Variants in FBXO36 observed in about 807,000 individuals in gnomAD.
The protein encoded by FBXO36 is F-box only protein 36.
FBXO36 carries 18 observed loss-of-function variants against 17.0 expected under a neutral mutation model. That is an observed-to-expected ratio of 1.06 (90% CI 0.73 to 1.57). The LOEUF (loss-of-function observed/expected upper bound fraction) is 1.57, where lower values mean the gene tolerates loss of function less well. FBXO36 is among the 40% of genes most tolerant of loss of function. The probability of loss-of-function intolerance (pLI) is 0.00; values close to 1 mark genes in which losing one functional copy is unlikely to be tolerated. For missense variants in FBXO36, 229 were observed against 221.9 expected (o/e 1.03, Z -0.20); for synonymous variants, 83 against 85.3 (o/e 0.97, Z 0.15).
chr2:229,956,704 T>G (rs1049341464), intron 1 of FBXO36, among the ~76,000 whole-genome samples: 7 of 152,050 alleles, frequency 4.6e-5, no homozygotes, highest in Admixed American at 3.9e-4. Context: ...TTCTGAAGGA[T>G]CTCAAGGCAG....
chr2:229,924,707 G>A (rs1434295894), intron 1 of FBXO36, among the ~76,000 whole-genome samples: 2 of 151,164 alleles, frequency 1.3e-5, no homozygotes, highest in African/African-American at 4.9e-5. Flanking sequence ...TAATTCTGTT[G>A]TTGGTGTTCT....
At chr2:229,990,811 C>A (rs1362633987) in intron 2 of FBXO36, among the ~76,000 whole-genome samples, 1 of 152,086 alleles carries the variant, frequency 6.6e-6, no homozygotes, top group African/African-American at 2.4e-5. Flanking sequence ...GTATATAATT[C>A]TTTGAGAGTT....
chr2:230,006,870 G>A (rs867743013), intron 3 of FBXO36, among the ~76,000 whole-genome samples: 1 of 152,306 alleles, frequency 6.6e-6, no homozygotes. Flanking sequence ...ACTGTGTAGG[G>A]ACTCTGTGAA....
At position 230,010,729 on chromosome 2, in the gene FBXO36, G is replaced by A. The variant is rs1329496171; in HGVS notation, c.412G>A (p.Val138Ile). 1.2e-6 allele frequency: 2 copies of A among 1,613,592 alleles called. No individual in the cohort carries two copies. Among genetic ancestry groups the A allele is most frequent in the South Asian group, 1.1e-5 (1 of 91,048 alleles). ...GTCTGATAAACTGTGGGAACAGATA[G>A]TCCAGTCGACCTGCGACACCATCAC... Reference protein sequence around the residue: ...CMSDKLWEQIVQSTCDTITPD... With the variant: ...CMSDKLWEQIIQSTCDTITPD... The change falls in exon 4 of 4, where the codon GTC becomes ATC. Residue 138 changes from valine (V) to isoleucine (I), a missense_variant. Physicochemically the swap from Val to Ile is conservative, Grantham distance 29. Coordinates refer to ENST00000283946, the MANE Select transcript of FBXO36 (RefSeq NM_174899.5).
In FBXO36 at chr2:229,974,408, G is replaced by T. The variant is rs374813795; in HGVS notation, c.97-1833G>T. Among the ~76,000 whole-genome samples the T allele has an allele frequency of 1.3e-4, 20 of 152,292 alleles. No individual in the cohort carries two copies. In the East Asian group the frequency reaches 2.7e-3, roughly 21 times the overall value. On this transcript the variant is annotated intron_variant, in intron 1 of 3. Transcript: ENST00000283946. ...AACTTGAATGTGTGCCATGGAGAGCGTCCCTCCAGTGGCCATTGTGGCAAG... is the reference window on the plus strand; with the variant it reads ...AACTTGAATGTGTGCCATGGAGAGCTTCCCTCCAGTGGCCATTGTGGCAAG...
rs140140630 is a variant in FBXO36 at position 229,996,898 on chromosome 2, G to A, written c.353G>A (p.Cys118Tyr). 2.5e-6 allele frequency: 4 copies of A among 1,613,734 alleles called. No individual in the cohort carries two copies. The highest frequency in any genetic ancestry group is 2.2e-5 in the East Asian group (1 of 44,850). The change falls in exon 3 of 4, where the codon TGT becomes TAT. Residue 118 changes from cysteine (C) to tyrosine (Y), a missense_variant. Cys to Tyr is a radical substitution (Grantham distance 194). Transcript: ENST00000283946. ...GATCTTGAAGATATTGCCAGGCTTT[G>A]TCAAACATCACACAGATTTGCAAAG... ...YLDLEDIARL[C>Y]QTSHRFAKLC... is the part of the protein sequence containing the mutation.
chr2:229,968,805 G>T (rs930213025), intron 1 of FBXO36, among the ~76,000 whole-genome samples: 21 of 151,914 alleles, frequency 1.4e-4, no homozygotes, highest in Non-Finnish European at 3.1e-4. Context: ...ATGGAGTCTT[G>T]TTCTGTTGCC....
intron 1 of FBXO36, among the ~76,000 whole-genome samples, chr2:229,928,547 C>T (rs773051655): frequency 1.2e-4 from 18 of 152,116 alleles, no homozygotes; most frequent in Admixed American, 5.9e-4. Flanking sequence ...TGCCTGTATT[C>T]CCCCTATTGG....
At chr2:230,006,607 C>T (rs893601102) in intron 3 of FBXO36, among the ~76,000 whole-genome samples, 2 of 152,130 alleles carry the variant, frequency 1.3e-5, no homozygotes, top group South Asian at 2.1e-4. Context: ...AAAAGATGCA[C>T]GTGTCCCTGC....
chr2:230,002,540 T>C (rs2077365343), intron 3 of FBXO36, among the ~76,000 whole-genome samples: 1 of 152,096 alleles, frequency 6.6e-6, no homozygotes. Context: ...TGCGCCACCA[T>C]ACCCAGCTAA....
At position 230,011,461 on chromosome 2, in the gene FBXO36, A is replaced by T. The variant is rs907934006; in HGVS notation, c.*577A>T. The stretch of plus-strand genomic sequence containing the variant: ...CCAGGATGCCAGGGTCCATCCCCGC[A>T]TGTAGACAGCTTCCGACCTGGTGCT... On this transcript the variant is annotated 3_prime_UTR_variant, in exon 4 of 4. Transcript: ENST00000283946. 1 of 152,376 alleles carries T rather than the reference A, an allele frequency of 6.6e-6. No individual in the cohort carries two copies. Among genetic ancestry groups the T allele is most frequent in the Admixed American group, 6.5e-5 (1 of 15,280 alleles). The allele number at this position is 152,376 out of a possible 1,614,324, so 9.4% of individuals were successfully genotyped here. A position where few individuals can be genotyped will look rare whatever the true frequency, so the allele number is the denominator to read the frequency against.
chr2:229,938,475 A>G (rs1022938515), intron 1 of FBXO36, among the ~76,000 whole-genome samples: 21 of 128,824 alleles, frequency 1.6e-4, no homozygotes, highest in Non-Finnish European at 3.2e-4. Context: ...TTGGTTAGAT[A>G]CAACTTTCTT....
intron 2 of FBXO36, among the ~76,000 whole-genome samples, chr2:229,988,826 CTGTTTTTTTTTTTTTT>C (rs1468834528): frequency 5.5e-5 from 7 of 126,450 alleles, no homozygotes; most frequent in South Asian, 5.4e-4. Context: ...CCATGCTGGC[CTGTTTTTTTTTTTTTT>C]TGTTTTTTTT....
At chr2:230,006,861 C>T (rs996233458) in intron 3 of FBXO36, among the ~76,000 whole-genome samples, 6 of 152,246 alleles carry the variant, frequency 3.9e-5, no homozygotes, top group African/African-American at 1.4e-4. Flanking sequence ...AAGAGCCAGA[C>T]TGTGTAGGGA....
At chr2:229,970,793 CAT>C (rs1347534006) in intron 1 of FBXO36, among the ~76,000 whole-genome samples, 2 of 152,098 alleles carry the variant, frequency 1.3e-5, no homozygotes, top group African/African-American at 2.4e-5. Context: ...ATAGATTTGT[CAT>C]ATTAAAATTA....
intron 1 of FBXO36, among the ~76,000 whole-genome samples, chr2:229,942,525 G>A (rs1490601369): frequency 1.3e-5 from 2 of 152,164 alleles, no homozygotes. Flanking sequence ...TGGCTGCTGA[G>A]CCAAGCATCA....
intron 2 of FBXO36, among the ~76,000 whole-genome samples, chr2:229,978,555 CCAGCCTGGG>C (rs2077221987): frequency 6.6e-6 from 1 of 152,064 alleles, no homozygotes; most frequent in African/African-American, 2.4e-5. Context: ...CCGTTGCACT[CCAGCCTGGG>C]CAACAAGAGT....
chr2:229,940,036 C>T (rs988000723), intron 1 of FBXO36, among the ~76,000 whole-genome samples: 1 of 151,730 alleles, frequency 6.6e-6, no homozygotes, highest in African/African-American at 2.4e-5. Flanking sequence ...ACCGGGACTG[C>T]GCCACTGCAT....
intron 3 of FBXO36, among the ~76,000 whole-genome samples, chr2:230,004,337 A>C (rs1577365771): frequency 1.3e-5 from 2 of 152,044 alleles, no homozygotes; most frequent in South Asian, 4.1e-4. Context: ...GCCCAGAGTT[A>C]CCTCCCAGAA....
Sources: gnomAD v4.1 joint callset for allele counts (sites outside exome capture counted in the v4.1 genomes callset) on GRCh38, gnomAD v4.1.1 for gene constraint, MANE v1.5 for transcripts, NCBI Gene and HGNC (gene_info 2026-07-23, HGNC 2026-07-21) for gene names.